The following ANO2 variants were observed in gnomAD, a reference collection of about 807,000 sequenced individuals.
ANO2 encodes the protein anoctamin 2, also known as anoctamin-2.
A neutral mutation model predicts 124.2 loss-of-function variants in ANO2; 101 were observed. That is an observed-to-expected ratio of 0.81 (90% CI 0.69 to 0.96). The LOEUF (loss-of-function observed/expected upper bound fraction) is 0.96. ANO2 is among the 40% of genes least tolerant of loss of function. The pLI, the probability that ANO2 is intolerant of heterozygous loss-of-function variation, is 0.00. For synonymous variants in ANO2, 486 were observed against 482.5 expected, an observed-to-expected ratio of 1.01 and a Z score of -0.09; for missense variants, 1,293 against 1,274.5, an observed-to-expected ratio of 1.01 and a Z score of -0.22.
intron 14 of ANO2, among the ~76,000 whole-genome samples, chr12:5,728,759 G>A (rs1472447320): frequency 6.6e-6 from 1 of 152,176 alleles, no homozygotes; most frequent in Non-Finnish European, 1.5e-5. Flanking sequence ...AGGCACAGCA[G>A]TCAAGATAGG....
At chr12:5,701,199 G>A (rs56160389) in intron 14 of ANO2, among the ~76,000 whole-genome samples, 2,095 of 146,902 alleles carry the variant, frequency 0.014, 49 homozygotes, top group African/African-American at 0.048. Context: ...TCTGAAAAGC[G>A]GGGTCTACAG....
chr12:5,930,472 G>T (rs987481792), intron 1 of ANO2, among the ~76,000 whole-genome samples: 14 of 150,282 alleles, frequency 9.3e-5, no homozygotes, highest in Admixed American at 2.7e-4. Flanking sequence ...GACTCGATCA[G>T]GAAAGACCCT....
intron 17 of ANO2, among the ~76,000 whole-genome samples, chr12:5,613,636 A>T (rs532385543): frequency 1.2e-3 from 183 of 152,192 alleles, no homozygotes; most frequent in Admixed American, 2.3e-3. Flanking sequence ...AATCCTACTC[A>T]TCCATTTAAG....
At chr12:5,610,092 A>C (rs1316287695) in intron 19 of ANO2, among the ~76,000 whole-genome samples, 1 of 133,202 alleles carries the variant, frequency 7.5e-6, no homozygotes, top group Non-Finnish European at 1.5e-5. Flanking sequence ...AAATATATAT[A>C]TTTATATTAT....
At chr12:5,820,542 C>A (rs886821605) in intron 7 of ANO2, among the ~76,000 whole-genome samples, 1 of 152,206 alleles carries the variant, frequency 6.6e-6, no homozygotes, top group Non-Finnish European at 1.5e-5. Context: ...GGCAGAACCC[C>A]CACATCGGCT....
chr12:5,609,421 G>A (rs2136899285), intron 19 of ANO2, among the ~76,000 whole-genome samples: 1 of 152,254 alleles, frequency 6.6e-6, no homozygotes, highest in South Asian at 2.1e-4. Context: ...CACCCTGCAT[G>A]CTTAGATGAC....
At chr12:5,898,338 T>C (rs1362215248) in intron 3 of ANO2, among the ~76,000 whole-genome samples, 1 of 152,208 alleles carries the variant, frequency 6.6e-6, no homozygotes, top group Non-Finnish European at 1.5e-5. Context: ...TTTCCAATAG[T>C]GTCTACTAAA....
chr12:5,866,956 A>C (rs1158767976), intron 3 of ANO2, among the ~76,000 whole-genome samples: 1 of 152,236 alleles, frequency 6.6e-6, no homozygotes, highest in Non-Finnish European at 1.5e-5. Context: ...ACCAACAAAT[A>C]CAAGTGATAG....
intron 14 of ANO2, among the ~76,000 whole-genome samples, chr12:5,693,516 C>G (rs755678128): frequency 2.0e-5 from 3 of 152,174 alleles, no homozygotes; most frequent in Admixed American, 6.5e-5. Context: ...CCCGCCCCCA[C>G]GGTCTAGTCT....
rs1555174544 is a variant in ANO2, at chr12:5,858,886, TGTGA to T, written c.535-4749_535-4746del. Among the ~76,000 whole-genome samples, 9 of 152,220 alleles carry T rather than the reference TGTGA, an allele frequency of 5.9e-5. 1 individual carries two copies. The highest frequency in any genetic ancestry group is 1.3e-4 in the Non-Finnish European group (9 of 68,040). The stretch of plus-strand genomic sequence containing the variant: ...AAACCAGTTCCCGTTAGATTAAAAT[TGTGA>T]GTGAGTAATCCTGGTTCCTTTATTG... On this transcript the variant is annotated intron_variant, in intron 3 of 24. Coordinates refer to ENST00000682330, the MANE Select transcript of ANO2 (RefSeq NM_001364791.2).
At chr12:5,937,845 G>A (rs182549162) in intron 1 of ANO2, among the ~76,000 whole-genome samples, 4 of 152,168 alleles carry the variant, frequency 2.6e-5, no homozygotes, top group African/African-American at 9.6e-5. Flanking sequence ...GTTCTTCAGG[G>A]ACCATCCAGA....
intron 14 of ANO2, among the ~76,000 whole-genome samples, chr12:5,649,758 C>T (rs918803058): frequency 6.6e-6 from 1 of 151,568 alleles, no homozygotes; most frequent in African/African-American, 2.4e-5. Context: ...GCACATGCCA[C>T]GATGCCCCCA....
intron 9 of ANO2, among the ~76,000 whole-genome samples, chr12:5,800,846 A>G (rs974629319): frequency 6.6e-6 from 1 of 152,162 alleles, no homozygotes; most frequent in Non-Finnish European, 1.5e-5. Context: ...AGAGGAGGCA[A>G]TTTGTAAAGT....
chr12:5,808,254 G>C (rs1292214157), intron 7 of ANO2, among the ~76,000 whole-genome samples: 1 of 152,222 alleles, frequency 6.6e-6, no homozygotes, highest in African/African-American at 2.4e-5. Flanking sequence ...GCACATAGCA[G>C]ACCCTACTAA....
chr12:5,598,899 C>T (rs1459086891), intron 20 of ANO2, among the ~76,000 whole-genome samples: 1 of 152,190 alleles, frequency 6.6e-6, no homozygotes, highest in Non-Finnish European at 1.5e-5. Context: ...GCCTTCAAGC[C>T]TTATCGAAAA....
At chr12:5,815,131 A>G (rs1423089475) in intron 7 of ANO2, among the ~76,000 whole-genome samples, 1 of 152,216 alleles carries the variant, frequency 6.6e-6, no homozygotes, top group East Asian at 1.9e-4. Flanking sequence ...AAAATAAATG[A>G]GCAGCTAAAA....
At chr12:5,822,618 G>A (rs918636650) in intron 7 of ANO2, among the ~76,000 whole-genome samples, 1 of 152,196 alleles carries the variant, frequency 6.6e-6, no homozygotes, top group Non-Finnish European at 1.5e-5. Context: ...CACCATTCCT[G>A]GGGGTGATCA....
At chr12:5,765,786 A>C (rs546811947) in intron 10 of ANO2, among the ~76,000 whole-genome samples, 3 of 152,258 alleles carry the variant, frequency 2.0e-5, no homozygotes, top group Non-Finnish European at 4.4e-5. Flanking sequence ...CAGGCCACAT[A>C]ATGGGAACAG....
intron 15 of ANO2, among the ~76,000 whole-genome samples, chr12:5,645,383 C>T (rs753779073): frequency 4.6e-5 from 7 of 151,672 alleles, no homozygotes; most frequent in East Asian, 1.9e-4. Flanking sequence ...AATCAGACTC[C>T]GTCTCAAGAA....
Sources: allele counts gnomAD v4.1 joint callset (sites outside exome capture counted in the v4.1 genomes callset), GRCh38; gene constraint gnomAD v4.1.1; transcripts MANE v1.5; gene names NCBI Gene and HGNC (gene_info 2026-07-23, HGNC 2026-07-21).